Variants in HSPA14 observed in about 807,000 individuals in gnomAD.
HSPA14 encodes heat shock 70 kDa protein 14.
HSPA14 carries 37 observed loss-of-function variants against 65.5 expected under a neutral mutation model. The observed-to-expected ratio is 0.56, with a 90% CI of 0.43 to 0.74. The LOEUF is 0.74. Among genes scored for constraint, HSPA14 ranks in the 30% least tolerant of loss-of-function variants. The probability of loss-of-function intolerance (pLI) is 0.00; values close to 1 mark genes in which losing one functional copy is unlikely to be tolerated. For synonymous variants in HSPA14, 203 were observed against 214.2 expected (o/e 0.95, Z 0.46); for missense variants, 564 against 607.6 (o/e 0.93, Z 0.75).
In HSPA14 at chr10:14,855,924, C is replaced by T. The variant is rs750461846; in HGVS notation, c.974C>T (p.Thr325Ile). 5.7e-6 allele frequency: 9 copies of T among 1,576,698 alleles called. No homozygotes were observed. The highest frequency in any genetic ancestry group is 1.3e-5 in the African/African-American group (1 of 74,204). The change falls in exon 10 of 14, where the codon ACA becomes ATA. Residue 325 changes from threonine to isoleucine, a missense_variant. Transcript: ENST00000378372. ...GGACTCTTAGATCAAAATGGATTTA[C>T]AGCAGATGATATCAACAAGGTAATG... ...IRGLLDQNGF[T>I]ADDINKVVLC...
At chr10:14,851,901 TGAG>T (rs1461009394) in intron 7 of HSPA14, among the ~76,000 whole-genome samples, 1 of 152,234 alleles carries the variant, frequency 6.6e-6, no homozygotes, top group Admixed American at 6.5e-5. Flanking sequence ...GTGTACATCA[TGAG>T]GAAATTATTT....
At chr10:14,865,700 A>G (rs1490127071) in intron 10 of HSPA14, among the ~76,000 whole-genome samples, 3 of 152,198 alleles carry the variant, frequency 2.0e-5, no homozygotes, top group African/African-American at 7.2e-5. Flanking sequence ...TTTTGGTACC[A>G]GTACCATGCT....
intron 3 of HSPA14, chr10:14,846,226 G>C: frequency 1.0e-6 from 1 of 975,732 alleles, no homozygotes; most frequent in Non-Finnish European, 1.2e-6. Flanking sequence ...GTCAATTATA[G>C]GTAGGTAGGT....
At chr10:14,869,905 G>A (rs367600968) in intron 12 of HSPA14, among the ~76,000 whole-genome samples, 4 of 152,178 alleles carry the variant, frequency 2.6e-5, no homozygotes, top group Non-Finnish European at 5.9e-5. Flanking sequence ...CGTTAGCCAC[G>A]TAATACTGAA....
intron 3 of HSPA14, chr10:14,846,182 C>T: frequency 1.3e-5 from 13 of 984,992 alleles, no homozygotes; most frequent in Middle Eastern, 5.2e-4. Flanking sequence ...TATTCATTCT[C>T]AATTGTCTTA....
intron 8 of HSPA14, 120 bp downstream of exon 8, chr10:14,852,651 G>A (rs1564322853): frequency 3.7e-6 from 3 of 811,816 alleles, no homozygotes; most frequent in Admixed American, 5.3e-5. Flanking sequence ...TTTTTTCATT[G>A]CTTGGAAACT....
At chr10:14,841,393 T>C (rs1833969223) in intron 3 of HSPA14, among the ~76,000 whole-genome samples, 1 of 152,198 alleles carries the variant, frequency 6.6e-6, no homozygotes, top group African/African-American at 2.4e-5. Flanking sequence ...TTTTTTTAAT[T>C]AAACTTTTTA....
intron 3 of HSPA14, among the ~76,000 whole-genome samples, chr10:14,847,226 T>G (rs988685723): frequency 1.3e-5 from 2 of 152,004 alleles, no homozygotes; most frequent in African/African-American, 4.8e-5. Context: ...CCTGGCAAAT[T>G]CTCTTGTCTG....
chr10:14,866,991 A>G (rs1489127510), intron 10 of HSPA14, 92 bp from the exon 11 acceptor site: 11 of 848,566 alleles, frequency 1.3e-5, no homozygotes, highest in African/African-American at 1.2e-4. Context: ...TTATCTTTAC[A>G]TACGATGAAG....
At chr10:14,854,025 C>G (rs1834127144) in intron 8 of HSPA14, 100 bp from the exon 9 acceptor site, 1 of 1,218,030 alleles carries the variant, frequency 8.2e-7, no homozygotes, top group African/African-American at 1.6e-5. Flanking sequence ...GCCTGATTCA[C>G]TAATTTATTA....
At chr10:14,851,754 T>C (rs993407486) in intron 7 of HSPA14, among the ~76,000 whole-genome samples, 2 of 152,216 alleles carry the variant, frequency 1.3e-5, no homozygotes, top group South Asian at 2.1e-4. Context: ...AACATACTTA[T>C]CCCTAATATA....
chr10:14,847,843 A>G (rs1331468224), intron 3 of HSPA14, among the ~76,000 whole-genome samples: 1 of 152,206 alleles, frequency 6.6e-6, no homozygotes, highest in Non-Finnish European at 1.5e-5. Context: ...CGCTCAAGGG[A>G]CAGAAGAACT....
intron 10 of HSPA14, among the ~76,000 whole-genome samples, chr10:14,860,694 A>G (rs1832743925): frequency 6.6e-6 from 1 of 152,094 alleles, no homozygotes; most frequent in African/African-American, 2.4e-5. Context: ...CTTGGCAAGG[A>G]AACTAGGGCC....
At position 14,840,061 on chromosome 10, in the gene HSPA14, A is replaced by ATT; in HGVS notation, c.139-5_139-4dup. On this transcript the variant is annotated splice_polypyrimidine_tract_variant and intron_variant, in intron 2 of 13. Coordinates refer to ENST00000378372, the MANE Select transcript of HSPA14 (RefSeq NM_016299.4). The stretch of plus-strand genomic sequence containing the variant: ...ATTGTAATATATATATATATATATT[A>ATT]TTTTTTTTTTCAGATTGTTGGATTG... 12 of 1,160,204 alleles carry ATT rather than the reference A, an allele frequency of 1.0e-5. No homozygotes were observed. Among genetic ancestry groups the ATT allele is most frequent in the East Asian group, 2.9e-5 (1 of 34,720 alleles). The allele number at this position is 1,160,204 out of a possible 1,614,324, so 71.9% of individuals were successfully genotyped here.
In HSPA14 at chr10:14,849,664, A is replaced by G. The variant is rs1215882795; in HGVS notation, c.377-57A>G. 5 of 1,292,378 alleles carry G rather than the reference A, an allele frequency of 3.9e-6. No homozygotes were observed. The East Asian group carries it at 1.2e-4, about 30-fold the overall frequency. 80.1% of individuals were successfully genotyped at this position (1,292,378 alleles called of 1,614,324 possible). On this transcript the variant is annotated intron_variant, in intron 5 of 13. Transcript: ENST00000378372. ...TTTGTCATAAATTAATAAACCTCAG[A>G]AAGTATCACTTGTCATTTTCTTCTG...
intron 12 of HSPA14, 76 bp from the exon 13 acceptor site, chr10:14,870,521 C>A: frequency 6.7e-7 from 1 of 1,485,456 alleles, no homozygotes; most frequent in African/African-American, 1.4e-5. Flanking sequence ...AAGCTTTGGT[C>A]CTTTGCAATA....
chr10:14,859,194 C>T (rs1457007282), intron 10 of HSPA14, among the ~76,000 whole-genome samples: 1 of 152,160 alleles, frequency 6.6e-6, no homozygotes, highest in Non-Finnish European at 1.5e-5. Flanking sequence ...GACGACCTCC[C>T]TCCCTGATGT....
chr10:14,844,469 C>G (rs748070517), intron 3 of HSPA14: 1 of 990,918 alleles, frequency 1.0e-6, no homozygotes, highest in South Asian at 4.5e-5. Context: ...TTTTAAAATC[C>G]CTGTGTGGCT....
Position 14,842,708 on chromosome 10 carries a change from A to C in HSPA14, c.221+2551A>C, listed in dbSNP as rs754388195. 6.5e-7 allele frequency: 1 copy of C among 1,536,438 alleles called. No individual in the cohort carries two copies. Among genetic ancestry groups the C allele is most frequent in the South Asian group, 1.2e-5 (1 of 84,064 alleles). Reference sequence around the variant, plus strand: ...AGAGGGAACCGGCATTCTAAAATCAAAAAGGACTCAGGCAGCTGATCATCA... The same window carrying C: ...AGAGGGAACCGGCATTCTAAAATCACAAAGGACTCAGGCAGCTGATCATCA... On this transcript the variant is annotated intron_variant, in intron 3 of 13. Transcript: ENST00000378372. The surrounding 1 kb of genome is among the most constrained non-coding windows in gnomAD (Gnocchi z 5.2).
Sources: allele counts gnomAD v4.1 joint callset (sites outside exome capture counted in the v4.1 genomes callset), GRCh38; gene constraint gnomAD v4.1.1; non-coding constraint Gnocchi (gnomAD v3.1); transcripts MANE v1.5; gene names NCBI Gene and HGNC (gene_info 2026-07-23, HGNC 2026-07-21).